Variants in MAOA observed in about 807,000 individuals in gnomAD.
MAOA encodes amine oxidase [flavin-containing] A.
Under a neutral mutation model 42.0 loss-of-function variants are expected in MAOA, and 6 were observed. That is an observed-to-expected ratio of 0.14 (90% CI 0.08 to 0.28). The LOEUF (loss-of-function observed/expected upper bound fraction) is 0.28. MAOA is among the 10% of genes least tolerant of loss of function. MAOA has a pLI of 1.00. For missense variants in MAOA, 262 were observed against 422.3 expected (o/e 0.62, Z 3.33); for synonymous variants, 140 against 154.0 (o/e 0.91, Z 0.67).
At chrX:43,674,527 G>A (rs2033372080) in intron 1 of MAOA, among the ~76,000 whole-genome samples, 1 of 110,758 alleles carries the variant, frequency 9.0e-6, no homozygotes, top group African/African-American at 3.3e-5. Context: ...AGTTGATGCA[G>A]TTTCTTCCTA....
chrX:43,702,254 A>T (rs2033630112), intron 3 of MAOA, among the ~76,000 whole-genome samples: 1 of 111,963 alleles, frequency 8.9e-6, no homozygotes, highest in East Asian at 2.8e-4. Context: ...TTTCTATGTC[A>T]AATTCAATGA....
At chrX:43,666,858 T>G (rs1243811917) in intron 1 of MAOA, among the ~76,000 whole-genome samples, 1 of 110,176 alleles carries the variant, frequency 9.1e-6, no homozygotes, top group African/African-American at 3.3e-5. Flanking sequence ...CTTTTTCCTA[T>G]CTTCCCCATA....
intron 5 of MAOA, among the ~76,000 whole-genome samples, chrX:43,723,119 C>T (rs1229406211): frequency 2.7e-5 from 3 of 111,524 alleles, no homozygotes; most frequent in African/African-American, 9.8e-5. Context: ...AGTCAGGTAA[C>T]GTGATGCCTC....
At chrX:43,669,701 A>G (rs929222817) in intron 1 of MAOA, among the ~76,000 whole-genome samples, 1 of 111,671 alleles carries the variant, frequency 9.0e-6, no homozygotes, top group African/African-American at 3.3e-5. Context: ...ACCATTAAGC[A>G]TAGTGTTCAA....
At chrX:43,715,390 T>G (rs1488181260) in intron 5 of MAOA, among the ~76,000 whole-genome samples, 2 of 110,353 alleles carry the variant, frequency 1.8e-5, no homozygotes, top group Non-Finnish European at 3.8e-5. Flanking sequence ...CTACAGGAGC[T>G]AGGGGATGCA....
chrX:43,719,667 C>T (rs2147097726), intron 5 of MAOA, among the ~76,000 whole-genome samples: 1 of 111,186 alleles, frequency 9.0e-6, no homozygotes, highest in East Asian at 2.9e-4. Context: ...CAGGAATGAA[C>T]TACGGAATTG....
chrX:43,683,280 T>C (rs2033458377), intron 1 of MAOA, among the ~76,000 whole-genome samples: 1 of 111,996 alleles, frequency 8.9e-6, no homozygotes, highest in Non-Finnish European at 1.9e-5. Context: ...ACATTTTGTT[T>C]CTGTTGACCA....
At position 43,740,741 on chromosome X, in the gene MAOA, A is replaced by G. The variant is rs757339734; in HGVS notation, c.1164+3A>G. ...TGGGATCCCAAGAAGCTTTACATGT[A>G]AGAAACTCCCAGCTTTAATCCCTAG... On this transcript the variant is annotated splice_donor_region_variant and intron_variant, in intron 11 of 14. Transcript: ENST00000338702. 8.4e-7 allele frequency: 1 copy of G among 1,193,653 alleles called. No individual in the cohort carries two copies. Among genetic ancestry groups the G allele is most frequent in the Non-Finnish European group, 1.1e-6 (1 of 885,009 alleles).
intron 3 of MAOA, among the ~76,000 whole-genome samples, chrX:43,711,105 T>C (rs945938558): frequency 3.6e-5 from 4 of 110,934 alleles, no homozygotes; most frequent in African/African-American, 1.3e-4. Context: ...CAAGCTCAGA[T>C]AACAGGCTCA....
intron 4 of MAOA, among the ~76,000 whole-genome samples, chrX:43,712,221 A>G (rs1417725590): frequency 9.0e-6 from 1 of 111,235 alleles, no homozygotes; most frequent in Admixed American, 9.6e-5. Context: ...CTCTTATACA[A>G]ATGCCTGTGT....
intron 1 of MAOA, among the ~76,000 whole-genome samples, chrX:43,667,064 C>T (rs1405972324): frequency 7.3e-5 from 8 of 109,716 alleles, no homozygotes; most frequent in African/African-American, 1.3e-4. Flanking sequence ...GGGTGCAGCA[C>T]ACCAACCTGG....
chrX:43,734,933 A>G (rs1569201476), intron 9 of MAOA, among the ~76,000 whole-genome samples: 1 of 112,207 alleles, frequency 8.9e-6, no homozygotes, highest in African/African-American at 3.2e-5. Flanking sequence ...AAAACTATAT[A>G]CATCTAAACT....
chrX:43,744,539 A>C lies in MAOA; in HGVS notation c.*26A>C. The C allele has an allele frequency of 8.3e-7, 1 of 1,202,344 alleles. No individual in the cohort carries two copies. Among genetic ancestry groups the C allele is most frequent in the Non-Finnish European group, 1.1e-6 (1 of 887,124 alleles). On this transcript the variant is annotated 3_prime_UTR_variant, in exon 15 of 15. Transcript: ENST00000338702. ...AGTTCTGTTCTTATGCTCTCTGCTC[A>C]CTGGTTTTCAATACCACCAAGAGGA...
chrX:43,730,834 A>T (rs1353991876), intron 6 of MAOA, among the ~76,000 whole-genome samples: 1 of 110,881 alleles, frequency 9.0e-6, no homozygotes, highest in Non-Finnish European at 1.9e-5. Flanking sequence ...TCAGCCCAGA[A>T]CACAGGAATC....
At chrX:43,739,280 A>T (rs2033943440) in intron 10 of MAOA, among the ~76,000 whole-genome samples, 1 of 111,870 alleles carries the variant, frequency 8.9e-6, no homozygotes. Flanking sequence ...ACTTCCTCTG[A>T]CTATCCTGAA....
At chrX:43,692,396 G>A (rs928137150) in intron 2 of MAOA, among the ~76,000 whole-genome samples, 4 of 111,062 alleles carry the variant, frequency 3.6e-5, no homozygotes, top group African/African-American at 1.3e-4. Context: ...ATGGTATAAA[G>A]TTATCTGGTA....
At chrX:43,690,436 T>C (rs1285516820) in intron 2 of MAOA, among the ~76,000 whole-genome samples, 1 of 111,981 alleles carries the variant, frequency 8.9e-6, no homozygotes, top group East Asian at 2.8e-4. Context: ...TAATGACTTA[T>C]TTTATTTAAA....
intron 1 of MAOA, among the ~76,000 whole-genome samples, chrX:43,683,247 G>GAT (rs1459812419): frequency 1.8e-5 from 2 of 111,644 alleles, no homozygotes; most frequent in South Asian, 3.7e-4. Flanking sequence ...CAGAAAACAA[G>GAT]ATATATATAT....
chrX:43,705,275 T>C (rs2033651038), intron 3 of MAOA, among the ~76,000 whole-genome samples: 2 of 112,435 alleles, frequency 1.8e-5, no homozygotes, highest in South Asian at 7.3e-4. Context: ...GATAAACATA[T>C]AGGTAAATGG....
Sources: gnomAD v4.1 joint callset for allele counts (sites outside exome capture counted in the v4.1 genomes callset) on GRCh38, gnomAD v4.1.1 for gene constraint, MANE v1.5 for transcripts, NCBI Gene and HGNC (gene_info 2026-07-23, HGNC 2026-07-21) for gene names.